The following YJU2 variants were observed in gnomAD, a reference collection of about 807,000 sequenced individuals.
The protein encoded by YJU2 is splicing factor YJU2.
In YJU2, 28 loss-of-function variants were observed where a neutral mutation model predicts 39.6. The observed-to-expected ratio is 0.71, with a 90% confidence interval of 0.52 to 0.97. The LOEUF (loss-of-function observed/expected upper bound fraction) is 0.97, where lower values mean the gene tolerates loss of function less well. Among genes scored for constraint, YJU2 ranks in the 50% least tolerant of loss-of-function variants. The pLI, the probability that YJU2 is intolerant of heterozygous loss-of-function variation, is 0.00. For synonymous variants in YJU2, 184 were observed against 182.4 expected, an observed-to-expected ratio of 1.01 and a Z score of -0.07; for missense variants, 328 against 430.4, an observed-to-expected ratio of 0.76 and a Z score of 2.11.
chr19:4,253,547 C>T (rs1159151293), intron 3 of YJU2, among the ~76,000 whole-genome samples: 1 of 151,656 alleles, frequency 6.6e-6, no homozygotes, highest in East Asian at 1.9e-4. Flanking sequence ...TGCCGCTGCA[C>T]TCCGGCCTGG....
chr19:4,261,390 C>G (rs1361036120), intron 5 of YJU2, among the ~76,000 whole-genome samples: 1 of 152,198 alleles, frequency 6.6e-6, no homozygotes, highest in East Asian at 1.9e-4. Flanking sequence ...GCTCGGTAGG[C>G]TGAGGCTGGA....
At chr19:4,256,676 A>G (rs1053785748) in intron 4 of YJU2, among the ~76,000 whole-genome samples, 1 of 152,196 alleles carries the variant, frequency 6.6e-6, no homozygotes, top group Non-Finnish European at 1.5e-5. Context: ...ATGAGGTTGC[A>G]GTCAAGGTGT....
At chr19:4,261,600 G>T (rs900654199) in intron 5 of YJU2, among the ~76,000 whole-genome samples, 3 of 152,126 alleles carry the variant, frequency 2.0e-5, no homozygotes, top group Non-Finnish European at 2.9e-5. Flanking sequence ...GGTGGGGGTT[G>T]CAGTGAGCCA....
chr19:4,247,595 GT>G (rs1376494517), intron 1 of YJU2, among the ~76,000 whole-genome samples: 128 of 5,792 alleles, frequency 0.022, 16 homozygotes, highest in East Asian at 0.038. Flanking sequence ...GTGTGTGTGT[GT>G]GTGTGTGTGT....
intron 6 of YJU2, among the ~76,000 whole-genome samples, chr19:4,267,009 G>A (rs1030740638): frequency 1.3e-5 from 2 of 152,134 alleles, no homozygotes; most frequent in Non-Finnish European, 2.9e-5. Context: ...GGTCCCTTCT[G>A]TTGCAGTTAA....
intron 6 of YJU2, among the ~76,000 whole-genome samples, chr19:4,265,953 A>ATT (rs75896159): frequency 1.8e-4 from 21 of 117,380 alleles, no homozygotes; most frequent in African/African-American, 4.4e-4. Context: ...GAGCTACGAC[A>ATT]TTTTTTTTTT....
In YJU2 at chr19:4,268,614, C is replaced by T. The variant is rs1366252365; in HGVS notation, c.890C>T (p.Pro297Leu). Residue 297 changes from proline to leucine, a missense_variant, in exon 8 of 8, where the codon CCT (proline) becomes CTT (leucine). This residue lies in a region of YJU2 where 244 missense variants were observed against 264.6 expected (regional missense o/e 0.92). Coordinates refer to ENST00000262962, the MANE Select transcript of YJU2 (RefSeq NM_018074.6). The part of the protein sequence containing the change: ...GAPQNRKEAN[P>L]TPLTPGASSL... Reference sequence around the variant, plus strand: ...CCGCAGAACAGGAAGGAGGCCAACCCTACACCCCTGACGCCTGGCGCGTCC... The same window carrying T: ...CCGCAGAACAGGAAGGAGGCCAACCTTACACCCCTGACGCCTGGCGCGTCC... 6.2e-7 allele frequency: 1 copy of T among 1,613,560 alleles called. No individual in the cohort carries two copies.
chr19:4,258,602 G>A (rs570753129), intron 5 of YJU2, among the ~76,000 whole-genome samples, 179 bp downstream of exon 5: 7 of 152,346 alleles, frequency 4.6e-5, no homozygotes, highest in Admixed American at 1.3e-4. Flanking sequence ...GGCCACTGCC[G>A]GGCACGGTGA....
chr19:4,256,182 ATATATATATATAT>A (rs1469727689), intron 4 of YJU2, among the ~76,000 whole-genome samples: 2 of 97,348 alleles, frequency 2.1e-5, no homozygotes, highest in South Asian at 5.3e-4. Flanking sequence ...AAAAAAAAAA[ATATATATATATAT>A]ATATATATAT....
At chr19:4,248,413 A>C (rs987148769) in intron 1 of YJU2, among the ~76,000 whole-genome samples, 2 of 152,202 alleles carry the variant, frequency 1.3e-5, no homozygotes, top group Admixed American at 6.6e-5. Flanking sequence ...CAGTGTGCGC[A>C]TTTCACAGAG....
intron 3 of YJU2, among the ~76,000 whole-genome samples, chr19:4,252,050 C>T (rs1970981495): frequency 6.6e-6 from 1 of 152,006 alleles, no homozygotes; most frequent in Non-Finnish European, 1.5e-5. Flanking sequence ...TGCAATTTGA[C>T]TTTTATTTGT....
At chr19:4,258,220 C>T in intron 4 of YJU2, 22 bp from the exon 5 acceptor site, 1 of 1,549,344 alleles carries the variant, frequency 6.5e-7, no homozygotes, top group Non-Finnish European at 8.7e-7. Context: ...TGCACTCAGC[C>T]CCGCCGCCCC....
chr19:4,249,941 A>G (rs1043865122), intron 2 of YJU2, among the ~76,000 whole-genome samples: 2 of 152,058 alleles, frequency 1.3e-5, no homozygotes, highest in African/African-American at 4.8e-5. Context: ...TCCTGACCTC[A>G]GGTGATCTGC....
Position 4,267,865 on chromosome 19 carries a change from G to A in YJU2, c.859+91G>A, listed in dbSNP as rs374569098. The A allele has an allele frequency of 1.0e-5, 13 of 1,243,328 alleles. No homozygotes were observed. In the African/African-American group the frequency reaches 1.8e-4, roughly 17 times the overall value. The allele number at this position is 1,243,328 out of a possible 1,614,324, so 77.0% of individuals were successfully genotyped here. On this transcript the variant is annotated intron_variant, in intron 7 of 7. Transcript: ENST00000262962. ...CCTTTGCAGTTACAGAGACTTCATG[G>A]GGTGGGTGGGGGCGGCCTGCGACCC...
chr19:4,267,657 G>A lies in YJU2; in HGVS notation c.742G>A (p.Glu248Lys), dbSNP rs1354967491. ...PKPKRKVEVW[E>K]QSVGSLGSRP... is the part of the protein sequence containing the mutation. Reference sequence around the variant, plus strand: ...GCCCAAGAGGAAGGTGGAGGTCTGGGAGCAGAGCGTTGGCAGCCTGGGCAG... The same window carrying A: ...GCCCAAGAGGAAGGTGGAGGTCTGGAAGCAGAGCGTTGGCAGCCTGGGCAG... Residue 248 changes from glutamate (E) to lysine (K), a missense_variant, in exon 7 of 8, where the codon GAG becomes AAG. By Grantham distance (56) the Glu-to-Lys change is moderately conservative (BLOSUM62 1). Around this residue, in one of 2 missense-constraint regions of YJU2, gnomAD observed 244 missense variants for 264.6 expected, o/e 0.92. Transcript: ENST00000262962. 2 of 1,613,536 alleles carry A rather than the reference G, an allele frequency of 1.2e-6. No homozygotes were observed. The highest frequency in any genetic ancestry group is 1.7e-6 in the Non-Finnish European group (2 of 1,179,956).
In YJU2 at chr19:4,247,911, G is replaced by A. The variant is rs528483957; in HGVS notation, c.24+741G>A. On this transcript the variant is annotated intron_variant, in intron 1 of 7. Transcript: ENST00000262962. Reference sequence around the variant, plus strand: ...GATGGAGTTTTGCGCTTGCTTCCCAGGCTGGAGTGCAGTGGCACGTTCTTG... The same window carrying A: ...GATGGAGTTTTGCGCTTGCTTCCCAAGCTGGAGTGCAGTGGCACGTTCTTG... 2.2e-4 allele frequency: 33 copies of A among 152,200 alleles called. No individual in the cohort carries two copies. The South Asian group carries it at 4.5e-3, about 21-fold the overall frequency. The allele number at this position is 152,200 out of a possible 1,614,324, so 9.4% of individuals were successfully genotyped here.
chr19:4,264,720 C>G (rs1470399199), intron 6 of YJU2, among the ~76,000 whole-genome samples: 17 of 152,080 alleles, frequency 1.1e-4, no homozygotes. Flanking sequence ...CTCCTGACCT[C>G]AGGTGATTCA....
At chr19:4,249,182 C>T in intron 1 of YJU2, 46 bp from the exon 2 acceptor site, 2 of 1,372,170 alleles carry the variant, frequency 1.5e-6, no homozygotes, top group Non-Finnish European at 2.1e-6. Flanking sequence ...TGTCCTGCCC[C>T]TGCTTCTGAA....
At chr19:4,252,605 AAAAT>A (rs774546436) in intron 3 of YJU2, among the ~76,000 whole-genome samples, 6 of 151,954 alleles carry the variant, frequency 3.9e-5, no homozygotes, top group Non-Finnish European at 8.8e-5. Flanking sequence ...CTCCGTCTCA[AAAAT>A]AAATAAATAA....
Sources: allele counts gnomAD v4.1 joint callset (sites outside exome capture counted in the v4.1 genomes callset), GRCh38; gene constraint gnomAD v4.1.1; regional missense constraint gnomAD v4.1.1; transcripts MANE v1.5; gene names NCBI Gene and HGNC (gene_info 2026-07-23, HGNC 2026-07-21).